The following ENDOD1 variants were observed in gnomAD, a reference collection of about 807,000 sequenced individuals.
ENDOD1 encodes the protein endonuclease domain-containing 1 protein.
Under a neutral mutation model 6.5 loss-of-function variants are expected in ENDOD1, and 9 were observed. That is an observed-to-expected ratio of 1.39 (90% CI 0.84 to 2.43). ENDOD1 has a LOEUF of 2.43. Among genes scored for constraint, ENDOD1 ranks in the 30% most tolerant of loss-of-function variants. The pLI is 0.00. For missense variants in ENDOD1, 648 were observed against 635.5 expected, an observed-to-expected ratio of 1.02 and a Z score of -0.21; for synonymous variants, 255 against 255.2, an observed-to-expected ratio of 1.00 and a Z score of 0.01.
intron 1 of ENDOD1, 49 bp downstream of exon 1, chr11:95,090,276 C>A (rs782308687): frequency 7.4e-7 from 1 of 1,355,478 alleles, no homozygotes; most frequent in South Asian, 1.7e-5. Flanking sequence ...GAGACCGTGC[C>A]GCTGGACATG....
chr11:95,125,739 C>T (rs973709953), intron 1 of ENDOD1, among the ~76,000 whole-genome samples: 3 of 151,956 alleles, frequency 2.0e-5, no homozygotes, highest in African/African-American at 7.3e-5. Context: ...TGATGGTTTC[C>T]AGCTTCATCC....
chr11:95,114,804 A>G (rs1413355947), intron 1 of ENDOD1, among the ~76,000 whole-genome samples: 1 of 152,152 alleles, frequency 6.6e-6, no homozygotes, highest in Non-Finnish European at 1.5e-5. Flanking sequence ...AGTTCACTGT[A>G]GGCGTGTGGA....
chr11:95,105,664 T>C (rs1246838054), intron 1 of ENDOD1, among the ~76,000 whole-genome samples: 1 of 152,230 alleles, frequency 6.6e-6, no homozygotes, highest in Admixed American at 6.5e-5. Context: ...AGTGAGAACA[T>C]GCGGTGTTTG....
intron 1 of ENDOD1, among the ~76,000 whole-genome samples, chr11:95,112,706 G>A (rs1432054720): frequency 1.3e-4 from 20 of 152,312 alleles, no homozygotes; most frequent in Non-Finnish European, 4.4e-5. Flanking sequence ...CTTCAGGATT[G>A]TTTCCTCCAG....
chr11:95,123,800 G>T (rs499001), intron 1 of ENDOD1, among the ~76,000 whole-genome samples: 4,125 of 152,212 alleles, frequency 0.027, 70 homozygotes, highest in Non-Finnish European at 0.039. Context: ...TTTTCCGGCT[G>T]GGCGTGGTGG....
intron 1 of ENDOD1, among the ~76,000 whole-genome samples, chr11:95,106,666 G>A (rs1859091854): frequency 6.6e-6 from 1 of 152,090 alleles, no homozygotes; most frequent in Non-Finnish European, 1.5e-5. Flanking sequence ...GGATCCAAAG[G>A]ACCCACAGTA....
At position 95,128,961 on chromosome 11, in the gene ENDOD1, G is replaced by A. The variant is rs1859340818; in HGVS notation, c.885G>A (p.Met295Ile). The change falls in exon 2 of 2, where the codon ATG becomes ATA. Residue 295 changes from methionine to isoleucine, a missense_variant. By Grantham distance (10) the Met-to-Ile change is conservative (BLOSUM62 1). Transcript: ENST00000278505. The part of the protein sequence containing the change: ...VVNQIQDEER[M>I]VQSQKSSSPL... ...ACCAAATCCAGGATGAAGAACGAAT[G>A]GTACAATCTCAAAAGAGTTCTAGTC... 6.2e-7 allele frequency: 1 copy of A among 1,613,994 alleles called. No individual in the cohort carries two copies. Among genetic ancestry groups the A allele is most frequent in the African/African-American group, 1.3e-5 (1 of 74,990 alleles).
Position 95,089,901 on chromosome 11 carries a change from G to A in ENDOD1, c.-27G>A, listed in dbSNP as rs1362585894. ...TCGCGCCGCGGCAGCCCAGCCGCTC[G>A]GCCCCGCCGCGCTCGCAGAGGCCGC... is the stretch of plus-strand genomic sequence containing the variant. On this transcript the variant is annotated 5_prime_UTR_variant, in exon 1 of 2. Transcript: ENST00000278505. 1.5e-6 allele frequency: 2 copies of A among 1,310,874 alleles called. No homozygotes were observed. The highest frequency in any genetic ancestry group is 4.2e-5 in the Admixed American group (1 of 23,794). 81.2% of individuals were successfully genotyped at this position (1,310,874 alleles called of 1,614,324 possible).
chr11:95,122,923 T>C (rs1194601267), intron 1 of ENDOD1, among the ~76,000 whole-genome samples: 1 of 152,148 alleles, frequency 6.6e-6, no homozygotes, highest in Non-Finnish European at 1.5e-5. Context: ...GCGCCATGGC[T>C]CACGCCTGTA....
At position 95,129,936 on chromosome 11, in the gene ENDOD1, C is replaced by T. The variant is rs1859354596; in HGVS notation, c.*357C>T. On this transcript the variant is annotated 3_prime_UTR_variant, in exon 2 of 2. Transcript: ENST00000278505. Reference sequence around the variant, plus strand: ...GAACTAGAAAAAGAACAACTTTAGACCAAAGGTGTCTGAGAAAAGGAGAAA... The same window carrying T: ...GAACTAGAAAAAGAACAACTTTAGATCAAAGGTGTCTGAGAAAAGGAGAAA... 1.1e-5 allele frequency: 2 copies of T among 174,668 alleles called. No individual in the cohort carries two copies. The highest frequency in any genetic ancestry group is 1.1e-4 in the Admixed American group (2 of 17,586). The allele number at this position is 174,668 out of a possible 1,614,324, so 10.8% of individuals were successfully genotyped here.
intron 1 of ENDOD1, among the ~76,000 whole-genome samples, chr11:95,096,059 G>A (rs531778771): frequency 1.4e-4 from 22 of 152,208 alleles, no homozygotes; most frequent in Non-Finnish European, 3.2e-4. Flanking sequence ...ATTGAATGGA[G>A]CTTTCCTTAG....
chr11:95,119,141 C>T (rs1296154903), intron 1 of ENDOD1, among the ~76,000 whole-genome samples: 1 of 152,168 alleles, frequency 6.6e-6, no homozygotes, highest in African/African-American at 2.4e-5. Flanking sequence ...AGTCACATAT[C>T]TCTGTTTCTC....
intron 1 of ENDOD1, among the ~76,000 whole-genome samples, chr11:95,092,630 G>A (rs1196451602): frequency 2.0e-5 from 3 of 152,154 alleles, no homozygotes; most frequent in African/African-American, 2.4e-5. Context: ...TTCCCTGCAA[G>A]GTGGCTGGCC....
intron 1 of ENDOD1, among the ~76,000 whole-genome samples, chr11:95,103,098 TGG>T (rs5793712): frequency 0.59 from 81,218 of 137,376 alleles, 23,543 homozygotes; most frequent in East Asian, 0.74. Flanking sequence ...CTAGGCAGAG[TGG>T]GTGTGTGTGT....
rs1031984783 is a variant in ENDOD1 at position 95,130,791 on chromosome 11, C to G, written c.*1212C>G. 2.0e-5 allele frequency: 3 copies of G among 152,290 alleles called. 1 individual carries two copies. The South Asian group carries it at 6.2e-4, about 32-fold the overall frequency. 9.4% of individuals were successfully genotyped at this position (152,290 alleles called of 1,614,324 possible). Reference sequence around the variant, plus strand: ...TACAAATTAAATGTGAGAGCTCATTCTCAAAATTTTTTTGATCAAGCACTT... The same window carrying G: ...TACAAATTAAATGTGAGAGCTCATTGTCAAAATTTTTTTGATCAAGCACTT... On this transcript the variant is annotated 3_prime_UTR_variant, in exon 2 of 2. Coordinates refer to ENST00000278505, the MANE Select transcript of ENDOD1 (RefSeq NM_015036.3).
chr11:95,118,809 G>A (rs1591018234), intron 1 of ENDOD1, among the ~76,000 whole-genome samples: 1 of 152,036 alleles, frequency 6.6e-6, no homozygotes, highest in Admixed American at 6.6e-5. Context: ...GCCCCTTTGA[G>A]GCTATTTTCT....
intron 1 of ENDOD1, among the ~76,000 whole-genome samples, chr11:95,101,684 C>G (rs528380280): frequency 9.9e-5 from 15 of 152,238 alleles, no homozygotes; most frequent in Non-Finnish European, 1.8e-4. Context: ...TAGAGACACA[C>G]GGACTATTTC....
At chr11:95,128,337 T>C (rs1859331382) in intron 1 of ENDOD1, 40 bp from the exon 2 acceptor site, 4 of 1,582,970 alleles carry the variant, frequency 2.5e-6, no homozygotes, top group Admixed American at 1.7e-5. Flanking sequence ...CTCTGTGCTG[T>C]AAGCAGGGAT....
chr11:95,114,657 A>G (rs1859185889), intron 1 of ENDOD1, among the ~76,000 whole-genome samples: 1 of 152,100 alleles, frequency 6.6e-6, no homozygotes, highest in African/African-American at 2.4e-5. Flanking sequence ...ATCCATTTTG[A>G]TTTGACTTTT....
Sources: gnomAD v4.1 joint callset for allele counts (sites outside exome capture counted in the v4.1 genomes callset) on GRCh38, gnomAD v4.1.1 for gene constraint, MANE v1.5 for transcripts, NCBI Gene and HGNC (gene_info 2026-07-23, HGNC 2026-07-21) for gene names.